The following PKHD1L1 variants were observed in gnomAD, a reference collection of about 807,000 sequenced individuals.
PKHD1L1 encodes the protein PKHD1 like 1, also known as fibrocystin-L.
A neutral mutation model predicts 462.9 loss-of-function variants in PKHD1L1; 434 were observed. The observed-to-expected ratio is 0.94, with a 90% CI of 0.87 to 1.02. PKHD1L1 has a LOEUF of 1.02. Among genes scored for constraint, PKHD1L1 ranks in the 50% least tolerant of loss-of-function variants. PKHD1L1 has a pLI of 0.00. For missense variants in PKHD1L1, 5,202 were observed against 5,096.1 expected, an observed-to-expected ratio of 1.02 and a Z score of -0.63; for synonymous variants, 1,781 against 1,750.0, an observed-to-expected ratio of 1.02 and a Z score of -0.44.
At chr8:109,381,130 A>G (rs1259375521) in intron 2 of PKHD1L1, among the ~76,000 whole-genome samples, 2 of 152,192 alleles carry the variant, frequency 1.3e-5, no homozygotes, top group Non-Finnish European at 1.5e-5. Flanking sequence ...ACAAATCCCC[A>G]TGAATACTAA....
Position 109,456,292 on chromosome 8 carries a change from T to C in PKHD1L1, c.6905T>C (p.Leu2302Ser). 1 of 1,612,992 alleles carries C rather than the reference T, an allele frequency of 6.2e-7. No individual in the cohort carries two copies. Among genetic ancestry groups the C allele is most frequent in the Non-Finnish European group, 8.5e-7 (1 of 1,179,402 alleles). ...GVPVPVTWTR[L>S]AHTAKAGERI... is the part of the protein sequence containing the mutation. The stretch of plus-strand genomic sequence containing the variant: ...CCTGTTCCTGTGACCTGGACTCGCT[T>C]GGCTCATACTGCAAAGGCAGGGGAA... Residue 2302 changes from leucine (L) to serine (S), a missense_variant, in exon 46 of 78, where the codon TTG becomes TCG. Physicochemically the swap from Leu to Ser is moderately radical, Grantham distance 145 (BLOSUM62 -2). This residue lies in a region of PKHD1L1 where 4,497 missense variants were observed against 4,336.8 expected (regional missense o/e 1.04). Transcript: ENST00000378402.
At chr8:109,461,271 G>A (rs186964674) in intron 47 of PKHD1L1, among the ~76,000 whole-genome samples, 11 of 152,206 alleles carry the variant, frequency 7.2e-5, no homozygotes, top group African/African-American at 2.4e-4. Flanking sequence ...TGTCAAATGA[G>A]CTACGTTCTC....
At chr8:109,512,068 T>G (rs576058630) in intron 71 of PKHD1L1, among the ~76,000 whole-genome samples, 3 of 152,222 alleles carry the variant, frequency 2.0e-5, no homozygotes, top group South Asian at 2.1e-4. Context: ...TAAATTTGTT[T>G]GAGTTCATTG....
At chr8:109,434,491 T>C (rs1012807235) in intron 28 of PKHD1L1, among the ~76,000 whole-genome samples, 10 of 152,090 alleles carry the variant, frequency 6.6e-5, no homozygotes, top group Non-Finnish European at 1.2e-4. Flanking sequence ...TTTTTTGAGA[T>C]GGAGTCTCAT....
chr8:109,412,252 A>G lies in PKHD1L1; in HGVS notation c.2086-13A>G, dbSNP rs886665273. ...AAATCATGTTTTCATTTGAAATATTATTGTTTCGGTAGGAACATATTAACA... is the reference window on the plus strand; with the variant it reads ...AAATCATGTTTTCATTTGAAATATTGTTGTTTCGGTAGGAACATATTAACA... On this transcript the variant is annotated splice_polypyrimidine_tract_variant and intron_variant, in intron 19 of 77. Coordinates refer to ENST00000378402, the MANE Select transcript of PKHD1L1 (RefSeq NM_177531.6). 13 of 1,611,392 alleles carry G rather than the reference A, an allele frequency of 8.1e-6. No homozygotes were observed. The highest frequency in any genetic ancestry group is 9.3e-6 in the Non-Finnish European group (11 of 1,178,716).
intron 13 of PKHD1L1, 87 bp downstream of exon 13, chr8:109,400,431 A>T: frequency 7.2e-7 from 1 of 1,394,050 alleles, no homozygotes; most frequent in Non-Finnish European, 9.6e-7. Context: ...AAACGAATGA[A>T]CATTTTTAAA....
chr8:109,436,984 C>T (rs896434469), intron 30 of PKHD1L1, among the ~76,000 whole-genome samples: 2 of 152,200 alleles, frequency 1.3e-5, no homozygotes, highest in Admixed American at 6.5e-5. Context: ...GGCACGATCT[C>T]GCCTCACTGC....
intron 54 of PKHD1L1, 55 bp from the exon 55 acceptor site, chr8:109,479,936 G>A (rs1818187014): frequency 6.9e-7 from 1 of 1,455,606 alleles, no homozygotes; most frequent in Non-Finnish European, 9.1e-7. Context: ...TCAATGTTTT[G>A]CTATAAGTTG....
Position 109,481,432 on chromosome 8 carries a change from G to C in PKHD1L1, c.9328-1G>C. 6.3e-7 allele frequency: 1 copy of C among 1,584,198 alleles called. No individual in the cohort carries two copies. On this transcript the variant is annotated splice_acceptor_variant, in intron 55 of 77. Coordinates refer to ENST00000378402, the MANE Select transcript of PKHD1L1 (RefSeq NM_177531.6). LOFTEE classifies it high-confidence loss of function. ...ATTAACAATTTTCTGCTTCATTTCA[G>C]GGAGGTAGATTAATCGGTGGCTGGG... is the stretch of plus-strand genomic sequence containing the variant.
chr8:109,497,033 T>C lies in PKHD1L1; in HGVS notation c.10442T>C (p.Ile3481Thr). The change falls in exon 64 of 78, where the codon ATT (isoleucine) becomes ACT (threonine). Residue 3481 changes from isoleucine to threonine, a missense_variant. Coordinates refer to ENST00000378402, the MANE Select transcript of PKHD1L1 (RefSeq NM_177531.6). Reference protein sequence around the residue: ...PGCSLIQGFTIWTCWDYGIYF... With the variant: ...PGCSLIQGFTTWTCWDYGIYF... ...TGTTCTCTTATACAAGGATTTACCA[T>C]TTGGACATGCTGGGATTATGGAATT... is the stretch of plus-strand genomic sequence containing the variant. 1 of 1,613,656 alleles carries C rather than the reference T, an allele frequency of 6.2e-7. No individual in the cohort carries two copies. Among genetic ancestry groups the C allele is most frequent in the Non-Finnish European group, 8.5e-7 (1 of 1,179,620 alleles).
At chr8:109,400,859 C>A (rs969851270) in intron 13 of PKHD1L1, among the ~76,000 whole-genome samples, 1 of 152,048 alleles carries the variant, frequency 6.6e-6, no homozygotes, top group Non-Finnish European at 1.5e-5. Context: ...TTTGGGGTTA[C>A]TTTGTTAGGA....
intron 63 of PKHD1L1, among the ~76,000 whole-genome samples, chr8:109,495,931 G>C (rs1178238351): frequency 6.6e-6 from 1 of 152,126 alleles, no homozygotes; most frequent in Non-Finnish European, 1.5e-5. Context: ...AATCCCCTTT[G>C]TTGTATATAT....
chr8:109,426,828 T>G (rs1234038055), intron 24 of PKHD1L1, among the ~76,000 whole-genome samples, 174 bp from the exon 25 acceptor site: 2 of 152,166 alleles, frequency 1.3e-5, no homozygotes, highest in Non-Finnish European at 2.9e-5. Flanking sequence ...AATTTTTGTA[T>G]TTTTAGTAGA....
intron 50 of PKHD1L1, among the ~76,000 whole-genome samples, chr8:109,472,839 GT>G (rs1342792722): frequency 2.4e-4 from 36 of 152,208 alleles, no homozygotes; most frequent in African/African-American, 8.4e-4. Context: ...GATTGTATAT[GT>G]ATGCTGAGTG....
chr8:109,445,502 A>G lies in PKHD1L1; in HGVS notation c.5633A>G (p.Asn1878Ser), dbSNP rs369291974. The G allele has an allele frequency of 2.2e-5, 35 of 1,613,788 alleles. No individual in the cohort carries two copies. Among genetic ancestry groups the G allele is most frequent in the Admixed American group, 6.7e-5 (4 of 59,978 alleles). ...TGTCAAATTATTTCCATCAACCCCA[A>G]TGAAGTCTACTGCCGCACTCCCGCT... ...EPCQIISINP[N>S]EVYCRTPAGT... Residue 1878 changes from asparagine to serine, a missense_variant, in exon 38 of 78, where the codon AAT becomes AGT. Transcript: ENST00000378402.
At position 109,496,857 on chromosome 8, in the gene PKHD1L1, T is replaced by G. The variant is rs1010474336; in HGVS notation, c.10328-62T>G. 6.0e-6 allele frequency: 9 copies of G among 1,492,806 alleles called. No individual in the cohort carries two copies. The African/African-American group carries it at 1.3e-4, about 21-fold the overall frequency. 92.5% of individuals were successfully genotyped at this position (1,492,806 alleles called of 1,614,324 possible). ...TTTTGTTAACTTTAACTGATACTGC[T>G]TATTAAAACTATATGACATGAAATG... On this transcript the variant is annotated intron_variant, in intron 63 of 77. Coordinates refer to ENST00000378402, the MANE Select transcript of PKHD1L1 (RefSeq NM_177531.6).
At chr8:109,398,338 C>T (rs1289750048) in intron 11 of PKHD1L1, 121 bp from the exon 12 acceptor site, 1 of 638,886 alleles carries the variant, frequency 1.6e-6, no homozygotes, top group African/African-American at 1.9e-5. Flanking sequence ...AATAAAGAGC[C>T]CTAATTTTGC....
At position 109,362,559 on chromosome 8, in the gene PKHD1L1, A is replaced by C. The variant is rs1283289215; in HGVS notation, c.-22A>C. On this transcript the variant is annotated 5_prime_UTR_variant, in exon 1 of 78. Coordinates refer to ENST00000378402, the MANE Select transcript of PKHD1L1 (RefSeq NM_177531.6). ...AGCCAGCTGCGAGCGGAGGGCACCA[A>C]CTCCGCAGAACTGGCTTTTCAATGG... is the stretch of plus-strand genomic sequence containing the variant. 2 of 1,593,710 alleles carry C rather than the reference A, an allele frequency of 1.3e-6. No homozygotes were observed. The highest frequency in any genetic ancestry group is 4.5e-5 in the East Asian group (2 of 44,102).
intron 76 of PKHD1L1, among the ~76,000 whole-genome samples, chr8:109,524,873 C>T (rs1030359217): frequency 1.3e-5 from 2 of 150,730 alleles, no homozygotes; most frequent in African/African-American, 4.9e-5. Context: ...CCCTCCCCCT[C>T]TGTCCTCTCT....
Sources: gnomAD v4.1 joint callset for allele counts (sites outside exome capture counted in the v4.1 genomes callset) on GRCh38, gnomAD v4.1.1 for gene constraint, gnomAD v4.1.1 regional missense constraint, MANE v1.5 for transcripts, NCBI Gene and HGNC (gene_info 2026-07-23, HGNC 2026-07-21) for gene names.